The following ACO2 variants were observed in gnomAD, a reference collection of about 807,000 sequenced individuals.
ACO2 encodes the protein aconitase 2, also known as aconitate hydratase, mitochondrial.
ACO2 carries 31 observed loss-of-function variants against 84.5 expected under a neutral mutation model. The observed-to-expected ratio is 0.37, with a 90% CI of 0.28 to 0.50. The LOEUF is 0.50. Ranked by LOEUF, ACO2 falls within the 20% of genes least tolerant of loss-of-function variation. The probability of loss-of-function intolerance (pLI) is 0.97; values close to 1 mark genes in which losing one functional copy is unlikely to be tolerated. For synonymous variants in ACO2, 414 were observed against 412.7 expected (o/e 1.00, Z -0.04); for missense variants, 685 against 1,029.3 (o/e 0.67, Z 4.58).
rs112272882 is a variant in ACO2, at chr22:41,479,577, G to C, written c.36+10395G>C. Among the ~76,000 whole-genome samples the C allele has an allele frequency of 7.9e-5, 12 of 152,296 alleles. 2 individuals carry two copies. The highest frequency in any genetic ancestry group is 2.6e-4 in the African/African-American group (11 of 41,574). ...CTCTGTGGAGTGGGCTGGATATAGG[G>C]GATACAGTTCAGTCGGCTCTGTGCC... On this transcript the variant is annotated intron_variant, in intron 1 of 17. Transcript: ENST00000216254.
intron 1 of ACO2, among the ~76,000 whole-genome samples, chr22:41,489,739 C>T (rs1284845497): frequency 6.6e-6 from 1 of 151,818 alleles, no homozygotes; most frequent in African/African-American, 2.4e-5. Flanking sequence ...GTCCTGCTGT[C>T]GGTGGTGCCG....
At chr22:41,523,313 G>A (rs371557782) in intron 11 of ACO2, 35 bp downstream of exon 11, 1 of 1,538,134 alleles carries the variant, frequency 6.5e-7, no homozygotes. Flanking sequence ...ACAGCCCCTT[G>A]TGCACAGGGT....
intron 15 of ACO2, 70 bp downstream of exon 15, chr22:41,526,523 G>A: frequency 2.0e-6 from 3 of 1,504,024 alleles, no homozygotes; most frequent in Non-Finnish European, 2.7e-6. Context: ...GGTGCAGGGA[G>A]GACATTAGGG....
intron 12 of ACO2, among the ~76,000 whole-genome samples, chr22:41,524,244 C>G (rs1170127930): frequency 6.6e-6 from 1 of 152,192 alleles, no homozygotes; most frequent in Non-Finnish European, 1.5e-5. Flanking sequence ...AGTCACTTAC[C>G]TTCTCTGTGT....
At chr22:41,492,721 C>T (rs889485737) in intron 1 of ACO2, among the ~76,000 whole-genome samples, 3 of 151,958 alleles carry the variant, frequency 2.0e-5, no homozygotes, top group Non-Finnish European at 4.4e-5. Context: ...TACCGTGAGC[C>T]GAGATCACGC....
intron 7 of ACO2, 49 bp from the exon 8 acceptor site, chr22:41,518,432 G>T: frequency 6.8e-7 from 1 of 1,461,994 alleles, no homozygotes; most frequent in South Asian, 1.1e-5. Context: ...GAACTCTCAA[G>T]AACAGTTTAT....
At chr22:41,502,625 TTTAGAC>T (rs2066361311) in intron 2 of ACO2, among the ~76,000 whole-genome samples, 1 of 152,162 alleles carries the variant, frequency 6.6e-6, no homozygotes, top group Admixed American at 6.6e-5. Flanking sequence ...TTGTTTCTGT[TTTAGAC>T]TGAGCCTCAC....
chr22:41,507,682 C>T, intron 2 of ACO2, 109 bp from the exon 3 acceptor site: 1 of 1,466,134 alleles, frequency 6.8e-7, no homozygotes, highest in South Asian at 1.4e-5. Flanking sequence ...GTTCAGACTC[C>T]CTGTCCCTGG....
chr22:41,520,844 A>G (rs535436066), intron 9 of ACO2, among the ~76,000 whole-genome samples: 42 of 115,166 alleles, frequency 3.6e-4, no homozygotes, highest in African/African-American at 7.3e-4. Flanking sequence ...TCCGTCTCAG[A>G]AAAAAAAAAA....
chr22:41,522,003 C>G (rs573590909), intron 9 of ACO2, among the ~76,000 whole-genome samples: 2 of 152,310 alleles, frequency 1.3e-5, no homozygotes, highest in South Asian at 4.1e-4. Flanking sequence ...GAACTCCTGA[C>G]CTCAAGTGAT....
chr22:41,523,851 G>T lies in ACO2; in HGVS notation c.1392G>T (p.Glu464Asp). ...QWDRKDIKKG[E>D]KNTIVTSYNR... ...GCAGGAAGGACATCAAGAAGGGGGA[G>T]AAGAACACAATCGTCACCTCCTACA... The change falls in exon 12 of 18, where the codon GAG becomes GAT. Residue 464 changes from glutamate (E) to aspartate (D), a missense_variant. Coordinates refer to ENST00000216254, the MANE Select transcript of ACO2 (RefSeq NM_001098.3). 2 of 1,612,206 alleles carry T rather than the reference G, an allele frequency of 1.2e-6. No homozygotes were observed. The highest frequency in any genetic ancestry group is 1.7e-6 in the Non-Finnish European group (2 of 1,179,976).
At position 41,507,849 on chromosome 22, in the gene ACO2, G is replaced by A. The variant is rs750705704; in HGVS notation, c.232G>A (p.Ala78Thr). ...KIVYGHLDDP[A>T]SQEIERGKSY... The stretch of plus-strand genomic sequence containing the variant: ...TGTGTATGGACACCTGGATGACCCC[G>A]CCAGCCAGGAAATTGAGCGAGGCAA... Residue 78 changes from alanine to threonine, a missense_variant, in exon 3 of 18, where the codon GCC (alanine) becomes ACC (threonine). By Grantham distance (58) the Ala-to-Thr change is moderately conservative. Around this residue, in one of 5 missense-constraint regions of ACO2, gnomAD observed 98 missense variants for 107.6 expected, o/e 0.91. Coordinates refer to ENST00000216254, the MANE Select transcript of ACO2 (RefSeq NM_001098.3). 8 of 1,614,030 alleles carry A rather than the reference G, an allele frequency of 5.0e-6. No individual in the cohort carries two copies. Among genetic ancestry groups the A allele is most frequent in the African/African-American group, 1.3e-5 (1 of 74,944 alleles).
chr22:41,469,203 C>G (rs764049112), intron 1 of ACO2, 21 bp downstream of exon 1: 1 of 1,605,532 alleles, frequency 6.2e-7, no homozygotes, highest in African/African-American at 1.3e-5. Context: ...TCAGGGACCT[C>G]TGGGTTCACG....
chr22:41,483,219 C>T (rs1325126114), intron 1 of ACO2, among the ~76,000 whole-genome samples: 1 of 152,188 alleles, frequency 6.6e-6, no homozygotes, highest in African/African-American at 2.4e-5. Flanking sequence ...AAAAAATTTT[C>T]CCGTTTCCCA....
intron 8 of ACO2, among the ~76,000 whole-genome samples, chr22:41,518,920 T>C (rs2066497415): frequency 6.6e-6 from 1 of 152,210 alleles, no homozygotes; most frequent in South Asian, 2.1e-4. Context: ...CACTCCAGCC[T>C]GGGCGACAGA....
At chr22:41,472,423 T>C (rs1246821957) in intron 1 of ACO2, among the ~76,000 whole-genome samples, 1 of 151,948 alleles carries the variant, frequency 6.6e-6, no homozygotes, top group African/African-American at 2.4e-5. Flanking sequence ...AATCTGGACA[T>C]GTCTGATTCC....
In ACO2 at chr22:41,528,865, G is replaced by T. The variant is rs758322583; in HGVS notation, c.*252G>T. 99 of 536,132 alleles carry T rather than the reference G, an allele frequency of 1.8e-4. No individual in the cohort carries two copies. Among genetic ancestry groups the T allele is most frequent in the Non-Finnish European group, 2.8e-4 (87 of 307,124 alleles). The allele number at this position is 536,132 out of a possible 1,614,324, so 33.2% of individuals were successfully genotyped here. On this transcript the variant is annotated 3_prime_UTR_variant, in exon 18 of 18. Coordinates refer to ENST00000216254, the MANE Select transcript of ACO2 (RefSeq NM_001098.3). ...GCTCCATGCAACTGTATTTATTTTT[G>T]ATGACAAGACTCCCATCTAAAGTTT...
rs144903287 is a variant in ACO2, at chr22:41,478,379, A to G, written c.36+9197A>G. Among the ~76,000 whole-genome samples the G allele has an allele frequency of 8.2e-3, 1,255 of 152,206 alleles. 6 individuals carry two copies. Among genetic ancestry groups the G allele is most frequent in the Non-Finnish European group, 0.013 (918 of 68,000 alleles). On this transcript the variant is annotated intron_variant, in intron 1 of 17. Coordinates refer to ENST00000216254, the MANE Select transcript of ACO2 (RefSeq NM_001098.3). ...AGCTGGTCTCCAACTCCTGACCTCA[A>G]GTGGTCCAGCTGCCCCAGCTTCCCA...
chr22:41,502,846 G>T (rs749287717), intron 2 of ACO2, among the ~76,000 whole-genome samples: 1 of 152,142 alleles, frequency 6.6e-6, no homozygotes, highest in Non-Finnish European at 1.5e-5. Flanking sequence ...CTGACCTCAA[G>T]TGATCCACCT....
Sources: allele counts gnomAD v4.1 joint callset (sites outside exome capture counted in the v4.1 genomes callset), GRCh38; gene constraint gnomAD v4.1.1; regional missense constraint gnomAD v4.1.1; transcripts MANE v1.5; gene names NCBI Gene and HGNC (gene_info 2026-07-23, HGNC 2026-07-21).